The following SYNPO2 variants were observed in gnomAD, a reference collection of about 807,000 sequenced individuals.
SYNPO2 encodes the protein synaptopodin 2, also known as synaptopodin-2.
SYNPO2 carries 56 observed loss-of-function variants against 85.0 expected under a neutral mutation model. That is an observed-to-expected ratio of 0.66 (90% CI 0.53 to 0.82). The LOEUF (loss-of-function observed/expected upper bound fraction) is 0.82, where lower values mean the gene tolerates loss of function less well. Ranked by LOEUF, SYNPO2 falls within the 40% of genes least tolerant of loss-of-function variation. The probability of loss-of-function intolerance (pLI) is 0.00; values close to 1 mark genes in which losing one functional copy is unlikely to be tolerated. For missense variants in SYNPO2, 1,575 were observed against 1,534.2 expected (o/e 1.03, Z -0.44); for synonymous variants, 602 against 591.1 (o/e 1.02, Z -0.27).
chr4:118,915,879 C>T (rs1733301140), intron 1 of SYNPO2, among the ~76,000 whole-genome samples: 1 of 151,766 alleles, frequency 6.6e-6, no homozygotes, highest in South Asian at 2.1e-4. Context: ...TTATTTTTGC[C>T]ATTTTGCTAG....
intron 4 of SYNPO2, among the ~76,000 whole-genome samples, chr4:119,047,586 G>T (rs1738910147): frequency 1.3e-5 from 2 of 152,184 alleles, no homozygotes; most frequent in African/African-American, 4.8e-5. Context: ...AAGAAGGCAA[G>T]TGTTAGGGAA....
At chr4:118,858,652 G>A (rs1411073041) in intron 1 of SYNPO2, among the ~76,000 whole-genome samples, 4 of 152,056 alleles carry the variant, frequency 2.6e-5, no homozygotes, top group Non-Finnish European at 5.9e-5. Flanking sequence ...CTCACCATAG[G>A]ACAGGTTCCC....
At chr4:119,052,528 T>G (rs1185029293) in intron 4 of SYNPO2, among the ~76,000 whole-genome samples, 1 of 152,154 alleles carries the variant, frequency 6.6e-6, no homozygotes, top group Non-Finnish European at 1.5e-5. Flanking sequence ...AGTAAAAACT[T>G]TCTTCTCCTC....
rs1434428754 is a variant in SYNPO2, at chr4:118,997,239, C to CAAAA, written c.106-26176_106-26173dup. Among the ~76,000 whole-genome samples, 259 of 65,210 alleles carry CAAAA rather than the reference C, an allele frequency of 4.0e-3. 13 individuals carry two copies. The highest frequency in any genetic ancestry group is 0.015 in the African/African-American group (241 of 15,958). 42.8% of individuals were successfully genotyped at this position (65,210 alleles called of 152,430 possible). A position where few individuals can be genotyped will look rare whatever the true frequency, so the allele number is the denominator to read the frequency against. On this transcript the variant is annotated intron_variant, in intron 1 of 4. Coordinates refer to ENST00000307142, the MANE Select transcript of SYNPO2 (RefSeq NM_133477.3). ...TGGGCGACAGAGCGAGACTCCGTCT[C>CAAAA]AAAAAAAAAAAAAAAAAATTAAAAG...
Position 119,026,910 on chromosome 4 carries a change from G to A in SYNPO2, c.541G>A (p.Glu181Lys), listed in dbSNP as rs1341267201. 2 of 1,614,182 alleles carry A rather than the reference G, an allele frequency of 1.2e-6. No individual in the cohort carries two copies. The highest frequency in any genetic ancestry group is 1.7e-5 in the Admixed American group (1 of 60,020). The change falls in exon 3 of 5, where the codon GAG becomes AAG. Residue 181 changes from glutamate (E) to lysine (K), a missense_variant. Glu to Lys is a moderately conservative substitution (Grantham distance 56). Transcript: ENST00000307142. ...PDSQRGRVAE[E>K]LILREKVEAV... is the part of the protein sequence containing the mutation. ...CTCCCAAAGAGGACGCGTGGCAGAA[G>A]AGCTGATCTTAAGGGAGAAGGTAGA...
At chr4:119,000,612 ATGT>A (rs1292511358) in intron 1 of SYNPO2, among the ~76,000 whole-genome samples, 23 of 152,188 alleles carry the variant, frequency 1.5e-4, no homozygotes, top group Admixed American at 2.0e-4. Flanking sequence ...TGGTGCTGAA[ATGT>A]TGTTTAAAAA....
intron 1 of SYNPO2, among the ~76,000 whole-genome samples, chr4:118,982,763 C>A (rs1392496206): frequency 6.6e-6 from 1 of 152,148 alleles, no homozygotes; most frequent in Admixed American, 6.5e-5. Context: ...TTCCAGAAAC[C>A]TGTCTGGAAG....
chr4:118,998,873 TCTTA>T (rs895803769), intron 1 of SYNPO2, among the ~76,000 whole-genome samples: 2 of 151,644 alleles, frequency 1.3e-5, no homozygotes, highest in African/African-American at 4.9e-5. Flanking sequence ...TCCCTCTCTC[TCTTA>T]CTCTGTTTTT....
chr4:118,919,756 C>G (rs115804698), intron 1 of SYNPO2, among the ~76,000 whole-genome samples: 2,760 of 152,166 alleles, frequency 0.018, 93 homozygotes, highest in African/African-American at 0.063. Context: ...AGAAAGTGTT[C>G]GAGGCAACAG....
At chr4:119,018,923 A>T (rs1185793534) in intron 1 of SYNPO2, among the ~76,000 whole-genome samples, 1 of 152,192 alleles carries the variant, frequency 6.6e-6, no homozygotes. Context: ...AAATATGTAT[A>T]ACTATTATGT....
chr4:118,958,434 G>A (rs761107378), intron 1 of SYNPO2, among the ~76,000 whole-genome samples: 7 of 152,108 alleles, frequency 4.6e-5, no homozygotes, highest in South Asian at 2.1e-4. Flanking sequence ...TAAAGAGTCC[G>A]TGATTTAACA....
In SYNPO2 at chr4:119,030,948, G is replaced by T; in HGVS notation, c.2173G>T (p.Ala725Ser). ...TTCAGAAGGCAAACGGGGCACTGGA[G>T]CTGGAGGTGATTCCGGACCGGAAGA... ...QNSEGKRGTG[A>S]GGDSGPEEDY... The change falls in exon 4 of 5, where the codon GCT becomes TCT. Residue 725 changes from alanine to serine, a missense_variant. Ala to Ser is a moderately conservative substitution (Grantham distance 99). This residue lies in a region of SYNPO2 where 1,508 missense variants were observed against 1,446.8 expected (regional missense o/e 1.04). Transcript: ENST00000307142. 1 of 1,614,196 alleles carries T rather than the reference G, an allele frequency of 6.2e-7. No individual in the cohort carries two copies. The highest frequency in any genetic ancestry group is 8.5e-7 in the Non-Finnish European group (1 of 1,180,026).
At chr4:118,981,806 T>C (rs1219385258) in intron 1 of SYNPO2, among the ~76,000 whole-genome samples, 1 of 152,206 alleles carries the variant, frequency 6.6e-6, no homozygotes, top group African/African-American at 2.4e-5. Context: ...AATAAAGGCT[T>C]CCTTTTTCCT....
At chr4:118,898,750 C>T (rs1732630080) in intron 1 of SYNPO2, among the ~76,000 whole-genome samples, 1 of 152,206 alleles carries the variant, frequency 6.6e-6, no homozygotes, top group Non-Finnish European at 1.5e-5. Flanking sequence ...CCCGCTGTGG[C>T]ACATGAAGCT....
rs749295331 is a variant in SYNPO2, at chr4:118,890,733, C to CTCTGTGTGTG, written c.105+1593_105+1594insCTGTGTGTGT. Among the ~76,000 whole-genome samples the CTCTGTGTGTG allele has an allele frequency of 6.3e-5, 8 of 126,146 alleles. No individual in the cohort carries two copies. The East Asian group carries it at 7.5e-4, about 12-fold the overall frequency. 82.8% of individuals were successfully genotyped at this position (126,146 alleles called of 152,430 possible). ...TCTCTCTCTCTCTCTCTCTCTCTCT[C>CTCTGTGTGTG]TGTGTGTGTGTGTGTGTGTGTGTAG... On this transcript the variant is annotated intron_variant, in intron 1 of 4. Transcript: ENST00000307142.
At chr4:118,917,850 A>T (rs775103056) in intron 1 of SYNPO2, among the ~76,000 whole-genome samples, 4 of 152,216 alleles carry the variant, frequency 2.6e-5, no homozygotes, top group Non-Finnish European at 5.9e-5. Context: ...TTGTGATAGA[A>T]ATACTTTGGT....
chr4:118,886,575 A>G (rs1168876955), upstream of SYNPO2, among the ~76,000 whole-genome samples: 2 of 152,226 alleles, frequency 1.3e-5, no homozygotes, highest in African/African-American at 2.4e-5. Context: ...CCTGCAAAGG[A>G]CATTAACACA....
Position 119,057,782 on chromosome 4 carries a change from C to A in SYNPO2, c.3634C>A (p.Gln1212Lys). 1.2e-6 allele frequency: 2 copies of A among 1,614,070 alleles called. No homozygotes were observed. Among genetic ancestry groups the A allele is most frequent in the Non-Finnish European group, 1.7e-6 (2 of 1,180,016 alleles). The stretch of plus-strand genomic sequence containing the variant: ...CAATAATAATATGTCCACCACCTCC[C>A]AATATGGTTCACAGTTGCCATATGC... ...TANNNMSTTS[Q>K]YGSQLPYAYY... Residue 1212 changes from glutamine (Q) to lysine (K), a missense_variant, in exon 5 of 5, where the codon CAA becomes AAA. By Grantham distance (53) the Gln-to-Lys change is moderately conservative (BLOSUM62 1). Around this residue, in one of 3 missense-constraint regions of SYNPO2, gnomAD observed 1,508 missense variants for 1,446.8 expected, o/e 1.04. Coordinates refer to ENST00000307142, the MANE Select transcript of SYNPO2 (RefSeq NM_133477.3).
chr4:119,047,463 T>C (rs1429260431), intron 4 of SYNPO2, among the ~76,000 whole-genome samples: 1 of 152,246 alleles, frequency 6.6e-6, no homozygotes, highest in Non-Finnish European at 1.5e-5. Context: ...AGAATGATAC[T>C]GTGTACTTCT....
Sources: allele counts gnomAD v4.1 joint callset (sites outside exome capture counted in the v4.1 genomes callset), GRCh38; gene constraint gnomAD v4.1.1; regional missense constraint gnomAD v4.1.1; transcripts MANE v1.5; gene names NCBI Gene and HGNC (gene_info 2026-07-23, HGNC 2026-07-21).